Variants in CCDC7 observed in about 807,000 individuals in gnomAD.
CCDC7 encodes the protein coiled-coil domain containing 7.
In CCDC7, 183 loss-of-function variants were observed where a neutral mutation model predicts 196.9. The ratio of observed to expected loss-of-function variants is 0.93; its 90% CI spans 0.82 to 1.05. The LOEUF (loss-of-function observed/expected upper bound fraction) is 1.05, where lower values mean the gene tolerates loss of function less well. CCDC7 is among the 50% of genes least tolerant of loss of function. CCDC7 has a pLI of 0.00. For missense variants in CCDC7, 1,540 were observed against 1,482.2 expected (o/e 1.04, Z -0.64); for synonymous variants, 525 against 484.6 (o/e 1.08, Z -1.10).
chr10:32,539,960 C>A (rs10827076), intron 11 of CCDC7, among the ~76,000 whole-genome samples: 21,007 of 151,898 alleles, frequency 0.14, 1,759 homozygotes, highest in East Asian at 0.25. Context: ...TGTGCTATGT[C>A]GTGATGAGAA....
At chr10:32,764,047 A>C (rs1009364306) in intron 28 of CCDC7, among the ~76,000 whole-genome samples, 4 of 151,966 alleles carry the variant, frequency 2.6e-5, no homozygotes, top group Non-Finnish European at 5.9e-5. Context: ...ACATATATCA[A>C]AACACCACTC....
At chr10:32,699,247 C>T (rs573149596) in intron 24 of CCDC7, among the ~76,000 whole-genome samples, 8 of 131,634 alleles carry the variant, frequency 6.1e-5, no homozygotes, top group Non-Finnish European at 1.2e-4. Flanking sequence ...TGTTCCCCTT[C>T]CTGTGTCCAT....
At chr10:32,741,045 C>A (rs1440075138) in intron 28 of CCDC7, among the ~76,000 whole-genome samples, 1 of 151,964 alleles carries the variant, frequency 6.6e-6, no homozygotes, top group Non-Finnish European at 1.5e-5. Context: ...ACTATATAAT[C>A]TTACTTTAAT....
chr10:32,670,156 G>A (rs1432113691), intron 21 of CCDC7, among the ~76,000 whole-genome samples: 1 of 151,698 alleles, frequency 6.6e-6, no homozygotes, highest in South Asian at 2.1e-4. Context: ...TTCCCTTTTC[G>A]TTAATATATT....
At chr10:32,473,576 C>A (rs2038386812) in intron 7 of CCDC7, among the ~76,000 whole-genome samples, 1 of 151,674 alleles carries the variant, frequency 6.6e-6, no homozygotes, top group East Asian at 1.9e-4. Flanking sequence ...AGTTATTATA[C>A]CTTAGATGTG....
intron 18 of CCDC7, among the ~76,000 whole-genome samples, chr10:32,584,752 C>CGAA (rs2059083073): frequency 1.8e-5 from 1 of 56,316 alleles, no homozygotes; most frequent in African/African-American, 9.4e-5. Context: ...CACTTCATCT[C>CGAA]AAAAAAAAAA....
At chr10:32,765,203 C>T (rs2078086337) in intron 28 of CCDC7, among the ~76,000 whole-genome samples, 1 of 151,968 alleles carries the variant, frequency 6.6e-6, no homozygotes, top group Non-Finnish European at 1.5e-5. Context: ...TTTCTCCCAG[C>T]CTTCCTCAAA....
chr10:32,785,555 A>G (rs552375582), intron 29 of CCDC7, among the ~76,000 whole-genome samples: 134 of 152,306 alleles, frequency 8.8e-4, no homozygotes, highest in African/African-American at 3.1e-3. Context: ...AGGTAGAAAA[A>G]GAAGATGATA....
At chr10:32,793,705 G>A (rs538054247) in intron 29 of CCDC7, among the ~76,000 whole-genome samples, 2 of 152,162 alleles carry the variant, frequency 1.3e-5, no homozygotes, top group South Asian at 4.2e-4. Flanking sequence ...TAATTTCCAT[G>A]TGTTAATACA....
intron 37 of CCDC7, 100 bp downstream of exon 38, chr10:32,846,559 G>A: frequency 1.5e-6 from 1 of 649,942 alleles, no homozygotes; most frequent in Non-Finnish European, 2.7e-6. Flanking sequence ...CTACATGTTA[G>A]TGTTACATAG....
chr10:32,462,087 A>G (rs2035865563), intron 3 of CCDC7, among the ~76,000 whole-genome samples: 1 of 152,024 alleles, frequency 6.6e-6, no homozygotes, highest in Non-Finnish European at 1.5e-5. Flanking sequence ...ACCTATATTA[A>G]GAAAATATAT....
intron 33 of CCDC7, among the ~76,000 whole-genome samples, chr10:32,836,384 A>T (rs1047969886): frequency 2.6e-5 from 4 of 152,158 alleles, no homozygotes; most frequent in African/African-American, 7.2e-5. Flanking sequence ...TTTTTCTACA[A>T]TATCATCCAA....
intron 13 of CCDC7, among the ~76,000 whole-genome samples, chr10:32,564,100 G>C (rs1448205569): frequency 6.6e-6 from 1 of 152,136 alleles, no homozygotes; most frequent in Non-Finnish European, 1.5e-5. Flanking sequence ...ACCACAATGA[G>C]ATACCATCTC....
intron 14 of CCDC7, among the ~76,000 whole-genome samples, chr10:32,567,092 TA>T (rs2056941957): frequency 6.8e-6 from 1 of 146,336 alleles, no homozygotes; most frequent in Non-Finnish European, 1.5e-5. Flanking sequence ...ATATATATAT[TA>T]GTTATATTTA....
intron 9 of CCDC7, among the ~76,000 whole-genome samples, chr10:32,502,998 T>C (rs1004932031): frequency 1.3e-5 from 2 of 152,200 alleles, no homozygotes; most frequent in African/African-American, 4.8e-5. Context: ...TTTGTATTGG[T>C]TTTTGTATCC....
chr10:32,640,604 C>T (rs1184218280), intron 20 of CCDC7, among the ~76,000 whole-genome samples: 1 of 152,202 alleles, frequency 6.6e-6, no homozygotes, highest in Admixed American at 6.5e-5. Flanking sequence ...TTCCTAGCCT[C>T]TATGGTCTTT....
At chr10:32,471,727 T>C (rs2037995187) in intron 6 of CCDC7, among the ~76,000 whole-genome samples, 1 of 152,148 alleles carries the variant, frequency 6.6e-6, no homozygotes, top group Non-Finnish European at 1.5e-5. Flanking sequence ...GATAAAACAT[T>C]CTTTTTTTGT....
chr10:32,761,382 C>T (rs1417479279), intron 28 of CCDC7, among the ~76,000 whole-genome samples: 1 of 151,988 alleles, frequency 6.6e-6, no homozygotes, highest in Admixed American at 6.6e-5. Context: ...CAAAATATCA[C>T]CACTGGATAC....
chr10:32,711,663 A>G, exon 25 of CCDC7: 1 of 1,596,878 alleles, frequency 6.3e-7, no homozygotes, highest in Non-Finnish European at 8.5e-7. Flanking sequence ...TTAAACATCA[A>G]GATTCAGTGT....
Sources: gnomAD v4.1 joint callset for allele counts (sites outside exome capture counted in the v4.1 genomes callset) on GRCh38, gnomAD v4.1.1 for gene constraint, MANE v1.5 for transcripts, NCBI Gene and HGNC (gene_info 2026-07-23, HGNC 2026-07-21) for gene names.